Variants in RNF150 observed in about 807,000 individuals in gnomAD.
RNF150 encodes the protein ring finger protein 150.
In RNF150, 24 loss-of-function variants were observed where a neutral mutation model predicts 39.3. The ratio of observed to expected loss-of-function variants is 0.61; its 90% confidence interval spans 0.44 to 0.86. RNF150 has a LOEUF of 0.86. Among genes scored for constraint, RNF150 ranks in the 40% least tolerant of loss-of-function variants. The probability of loss-of-function intolerance (pLI) is 0.00; values close to 1 mark genes in which losing one functional copy is unlikely to be tolerated. For missense variants in RNF150, 502 were observed against 587.8 expected, an observed-to-expected ratio of 0.85 and a Z score of 1.51; for synonymous variants, 255 against 227.3, an observed-to-expected ratio of 1.12 and a Z score of -1.10.
At chr4:140,937,867 A>C (rs374589336) in intron 4 of RNF150, among the ~76,000 whole-genome samples, 1 of 152,190 alleles carries the variant, frequency 6.6e-6, no homozygotes, top group African/African-American at 2.4e-5. Flanking sequence ...TGACCAATTC[A>C]TAACATAGGC....
intron 1 of RNF150, among the ~76,000 whole-genome samples, chr4:141,072,089 A>G (rs955326591): frequency 6.6e-6 from 1 of 152,208 alleles, no homozygotes; most frequent in Non-Finnish European, 1.5e-5. Flanking sequence ...CAGAGTGTGG[A>G]TAATGATCTG....
intron 2 of RNF150, 78 bp from the exon 3 acceptor site, chr4:140,949,450 A>T: frequency 1.7e-6 from 2 of 1,202,928 alleles, no homozygotes; most frequent in Non-Finnish European, 1.2e-6. Flanking sequence ...TTAATACACC[A>T]GGGCAGCTAG....
intron 1 of RNF150, among the ~76,000 whole-genome samples, chr4:141,042,169 G>A (rs1313682583): frequency 3.9e-5 from 6 of 151,950 alleles, no homozygotes; most frequent in East Asian, 1.9e-4. Flanking sequence ...TCAATAAACC[G>A]AACAATTGCT....
At chr4:141,152,835 GT>G (rs1727323539) in intron 1 of RNF150, among the ~76,000 whole-genome samples, 1 of 152,212 alleles carries the variant, frequency 6.6e-6, no homozygotes, top group South Asian at 2.1e-4. Context: ...TATAGGCAGT[GT>G]TTTTATAAAT....
chr4:141,051,437 G>T (rs1487418388), intron 1 of RNF150, among the ~76,000 whole-genome samples: 3 of 152,112 alleles, frequency 2.0e-5, no homozygotes, highest in Admixed American at 1.3e-4. Flanking sequence ...AAACTTTTAT[G>T]CTATGCTTTC....
chr4:141,123,477 G>A (rs28728280), intron 1 of RNF150, among the ~76,000 whole-genome samples: 6,143 of 152,200 alleles, frequency 0.04, 419 homozygotes, highest in African/African-American at 0.14. Context: ...ATACATCTCC[G>A]GAATGCATGC....
intron 1 of RNF150, among the ~76,000 whole-genome samples, chr4:140,997,710 A>ACATATATGTGTGTGTATATATACACACC (rs1734430830): frequency 6.7e-6 from 1 of 149,438 alleles, no homozygotes; most frequent in Non-Finnish European, 1.5e-5. Flanking sequence ...ATATACACAC[A>ACATATATGTGTGTGTATATATACACACC]CATATATGTG....
intron 2 of RNF150, among the ~76,000 whole-genome samples, chr4:140,955,219 C>G (rs528471945): frequency 6.6e-6 from 1 of 152,262 alleles, no homozygotes; most frequent in South Asian, 2.1e-4. Context: ...CACCACTCCA[C>G]AAATCTAGAA....
At chr4:141,135,076 C>T (rs1389779745), upstream of RNF150, among the ~76,000 whole-genome samples, 1 of 152,068 alleles carries the variant, frequency 6.6e-6, no homozygotes, top group African/African-American at 2.4e-5. Context: ...GGCCATTGGG[C>T]TAATAAGTAA....
chr4:140,938,402 T>C (rs1731944738), intron 4 of RNF150, among the ~76,000 whole-genome samples: 1 of 152,104 alleles, frequency 6.6e-6, no homozygotes, highest in South Asian at 2.1e-4. Context: ...ATTTCACAAA[T>C]GAATATCAGA....
intron 1 of RNF150, among the ~76,000 whole-genome samples, chr4:140,998,249 T>G (rs1367816642): frequency 6.6e-6 from 1 of 152,172 alleles, no homozygotes; most frequent in Non-Finnish European, 1.5e-5. Context: ...AAACACTCAA[T>G]GTCACTGTAC....
Position 140,956,536 on chromosome 4 carries a change from A to G in RNF150, c.736-7164T>C, listed in dbSNP as rs555335725. Among the ~76,000 whole-genome samples, 3 of 152,298 alleles carry G rather than the reference A, an allele frequency of 2.0e-5. No individual in the cohort carries two copies. The South Asian group carries it at 6.2e-4, about 32-fold the overall frequency. On this transcript the variant is annotated intron_variant, in intron 2 of 6. Transcript: ENST00000515673. Reference sequence around the variant, plus strand: ...TTAGCATTCTCTGGGAAGCCCCTTAAGGTGAGGAATCTTAAACTAGACACA... The same window carrying G: ...TTAGCATTCTCTGGGAAGCCCCTTAGGGTGAGGAATCTTAAACTAGACACA...
Position 140,915,479 on chromosome 4 carries a change from T to C in RNF150, c.988-4125A>G, listed in dbSNP as rs1454930842. Among the ~76,000 whole-genome samples the C allele has an allele frequency of 3.9e-5, 6 of 152,278 alleles. No individual in the cohort carries two copies. In the East Asian group the frequency reaches 9.7e-4, roughly 24 times the overall value. On this transcript the variant is annotated intron_variant, in intron 5 of 6. Coordinates refer to ENST00000515673, the MANE Select transcript of RNF150 (RefSeq NM_020724.2). ...TTCCTCCCAGATCCTGACTTTGTCA[T>C]TCCCTAGGAGAAAAACAGAAAAGGC...
intron 1 of RNF150, among the ~76,000 whole-genome samples, chr4:141,183,037 G>T (rs1370755402): frequency 2.0e-5 from 3 of 152,130 alleles, no homozygotes; most frequent in African/African-American, 7.2e-5. Flanking sequence ...GTCTTAATGT[G>T]TTGATTATTT....
At chr4:140,875,912 A>G (rs917278233) in intron 6 of RNF150, among the ~76,000 whole-genome samples, 10 of 152,154 alleles carry the variant, frequency 6.6e-5, no homozygotes, top group Admixed American at 4.6e-4. Flanking sequence ...CTGTCTTATG[A>G]AAGAAGGCAC....
chr4:141,101,548 A>G (rs1359028238), intron 1 of RNF150, among the ~76,000 whole-genome samples: 1 of 152,182 alleles, frequency 6.6e-6, no homozygotes. Flanking sequence ...AAATACAAAG[A>G]GTATACTTTA....
At chr4:141,135,075 G>A (rs2111117682), upstream of RNF150, among the ~76,000 whole-genome samples, 1 of 152,330 alleles carries the variant, frequency 6.6e-6, no homozygotes. Flanking sequence ...GGGCCATTGG[G>A]CTAATAAGTA....
At chr4:141,057,052 T>G (rs1362762401) in intron 1 of RNF150, among the ~76,000 whole-genome samples, 1 of 152,150 alleles carries the variant, frequency 6.6e-6, no homozygotes, top group Non-Finnish European at 1.5e-5. Flanking sequence ...TGTTTTGGTT[T>G]CCTCATCTAT....
At chr4:140,893,409 G>A (rs1034977591) in intron 6 of RNF150, among the ~76,000 whole-genome samples, 1 of 152,184 alleles carries the variant, frequency 6.6e-6, no homozygotes. Flanking sequence ...GGGGACTTAT[G>A]CTCTTTTGAT....
Sources: gnomAD v4.1 joint callset for allele counts (sites outside exome capture counted in the v4.1 genomes callset) on GRCh38, gnomAD v4.1.1 for gene constraint, MANE v1.5 for transcripts, NCBI Gene and HGNC (gene_info 2026-07-23, HGNC 2026-07-21) for gene names.